Variants in PGAM2 observed in about 807,000 individuals in gnomAD.
PGAM2 encodes phosphoglycerate mutase 2, also known as BPG-dependent PGAM 2.
A neutral mutation model predicts 22.5 loss-of-function variants in PGAM2; 23 were observed. The observed-to-expected ratio is 1.02, with a 90% confidence interval of 0.74 to 1.45. PGAM2 has a LOEUF of 1.45. Among genes scored for constraint, PGAM2 ranks in the 40% most tolerant of loss-of-function variants. The pLI is 0.00. For synonymous variants in PGAM2, 133 were observed against 138.6 expected, an observed-to-expected ratio of 0.96 and a Z score of 0.29; for missense variants, 349 against 356.2, an observed-to-expected ratio of 0.98 and a Z score of 0.16.
Position 44,064,944 on chromosome 7 carries a change from G to A in PGAM2, c.483C>T (p.Ala161=). 2 of 1,609,822 alleles carry A rather than the reference G, an allele frequency of 1.2e-6. No individual in the cohort carries two copies. The highest frequency in any genetic ancestry group is 1.7e-6 in the Non-Finnish European group (2 of 1,179,716). The change falls in exon 2 of 3, where the codon GCC becomes GCT. Residue 161 remains alanine (A), a synonymous_variant. Transcript: ENST00000297283. The stretch of plus-strand genomic sequence containing the variant: ...CCTCGTTCCAGAAGGGCAGGGCCCG[G>A]GCAATGGTGTCCTTGAGGCTCTCGC... ...PTCESLKDTI[A]RALPFWNEEI...
At position 44,065,283 on chromosome 7, in the gene PGAM2, G is replaced by T; in HGVS notation, c.247C>A (p.Arg83Ser). ...GTDQMWLPVV[R>S]TWRLNERHYG... Reference sequence around the variant, plus strand: ...TGCCGCTCATTGAGGCGCCAAGTGCGCACCACAGGCAGCCACATCTGGTCC... The same window carrying T: ...TGCCGCTCATTGAGGCGCCAAGTGCTCACCACAGGCAGCCACATCTGGTCC... Residue 83 changes from arginine to serine, a missense_variant, in exon 1 of 3, where the codon CGC becomes AGC. By Grantham distance (110) the Arg-to-Ser change is moderately radical. Transcript: ENST00000297283. The T allele has an allele frequency of 1.2e-6, 2 of 1,613,544 alleles. No individual in the cohort carries two copies. Among genetic ancestry groups the T allele is most frequent in the Non-Finnish European group, 1.7e-6 (2 of 1,180,036 alleles).
chr7:44,064,762 T>C, intron 2 of PGAM2, 70 bp downstream of exon 2: 1 of 1,369,124 alleles, frequency 7.3e-7, no homozygotes, highest in Non-Finnish European at 1.0e-6. Context: ...GCGAGAGACT[T>C]TGCTGAGATG....
At chr7:44,064,535 CCCTT>C in intron 2 of PGAM2, 1 of 460,376 alleles carries the variant, frequency 2.2e-6, no homozygotes, top group Non-Finnish European at 4.0e-6. Context: ...CTAAGCCCAG[CCCTT>C]CCGTTTCCTA....
intron 1 of PGAM2, 33 bp downstream of exon 1, chr7:44,065,083 T>C: frequency 6.2e-7 from 1 of 1,612,760 alleles, no homozygotes; most frequent in Non-Finnish European, 8.5e-7. Flanking sequence ...ACTCTGCAGC[T>C]TCCCAGAGGC....
intron 2 of PGAM2, chr7:44,064,274 T>C (rs1277229913): frequency 6.1e-6 from 1 of 164,752 alleles, no homozygotes; most frequent in African/African-American, 2.4e-5. Context: ...GGCCACTCCA[T>C]AGTCCTGCAC....
rs201908821 is a variant in PGAM2, at chr7:44,064,832, C to A, written c.595G>T (p.Gly199Trp). 73 of 1,602,886 alleles carry A rather than the reference C, an allele frequency of 4.6e-5. No individual in the cohort carries two copies. The highest frequency in any genetic ancestry group is 5.7e-5 in the Non-Finnish European group (67 of 1,176,804). Residue 199 changes from glycine to tryptophan, a missense_variant and splice_region_variant, in exon 2 of 3, where the codon GGG (glycine) becomes TGG (tryptophan). Transcript: ENST00000297283. ...SLRGIVKHLE[G>W]MSDQAIMELN... ...CCCAGGCTCCTGAAGGTGGCCTCACCTTCCAGGTGCTTGACAATGCCCCGC... is the reference window on the plus strand; with the variant it reads ...CCCAGGCTCCTGAAGGTGGCCTCACATTCCAGGTGCTTGACAATGCCCCGC...
rs555315183 is a variant in PGAM2, at chr7:44,063,059, G to A, written c.596-129C>T. ...CCAATTCCTTCCCAGCCCTGAGAACGAGGCCACAGAAATGTTGCCAAAGGT... is the reference window on the plus strand; with the variant it reads ...CCAATTCCTTCCCAGCCCTGAGAACAAGGCCACAGAAATGTTGCCAAAGGT... On this transcript the variant is annotated intron_variant, in intron 2 of 2. Transcript: ENST00000297283. 7.8e-5 allele frequency: 77 copies of A among 983,282 alleles called. No individual in the cohort carries two copies. The African/African-American group carries it at 9.7e-4, about 12-fold the overall frequency. The allele number at this position is 983,282 out of a possible 1,614,324, so 60.9% of individuals were successfully genotyped here. A position where few individuals can be genotyped will look rare whatever the true frequency, so the allele number is the denominator to read the frequency against.
chr7:44,062,819 T>G lies in PGAM2; in HGVS notation c.707A>C (p.Glu236Ala), dbSNP rs140230479. The G allele has an allele frequency of 4.6e-4, 741 of 1,614,202 alleles. 9 individuals are homozygous for G. In the Middle Eastern group the frequency reaches 0.013, roughly 27 times the overall value. ...PTKPMQFLGDEETVRKAMEAV... is the reference protein window; with the variant it reads ...PTKPMQFLGDAETVRKAMEAV... ...CTCCATGGCCTTCCGCACCGTTTCCTCATCACCCAGGAACTGCATGGGCTT... is the reference window on the plus strand; with the variant it reads ...CTCCATGGCCTTCCGCACCGTTTCCGCATCACCCAGGAACTGCATGGGCTT... The change falls in exon 3 of 3, where the codon GAG becomes GCG. Residue 236 changes from glutamate (E) to alanine (A), a missense_variant. By Grantham distance (107) the Glu-to-Ala change is moderately radical. Transcript: ENST00000297283.
chr7:44,064,751 G>C, intron 2 of PGAM2, 81 bp downstream of exon 2: 1 of 1,251,152 alleles, frequency 8.0e-7, no homozygotes, highest in Admixed American at 2.0e-5. Context: ...CTGGTCCATG[G>C]GCGAGAGACT....
At chr7:44,065,084 T>TC (rs2096156932) in intron 1 of PGAM2, 32 bp downstream of exon 1, 1 of 1,612,646 alleles carries the variant, frequency 6.2e-7, no homozygotes, top group Non-Finnish European at 8.5e-7. Context: ...CTCTGCAGCT[T>TC]CCCAGAGGCC....
At chr7:44,064,279 C>T (rs2096154825) in intron 2 of PGAM2, 1 of 183,330 alleles carries the variant, frequency 5.5e-6, no homozygotes. Flanking sequence ...CTCCATAGTC[C>T]TGCACCCCTC....
At chr7:44,063,196 G>T (rs2096152379) in intron 2 of PGAM2, 1 of 521,754 alleles carries the variant, frequency 1.9e-6, no homozygotes, top group African/African-American at 1.9e-5. Context: ...GCTGTCCATA[G>T]TTCCCTCAGC....
intron 2 of PGAM2, chr7:44,064,246 G>A (rs1217359703): frequency 6.4e-6 from 1 of 156,218 alleles, no homozygotes; most frequent in Non-Finnish European, 1.4e-5. Context: ...TGGGAGCCCA[G>A]CTGCAAGCCC....
In PGAM2 at chr7:44,065,512, G is replaced by A. The variant is rs143473990; in HGVS notation, c.18C>T (p.Leu6=). 2.5e-6 allele frequency: 4 copies of A among 1,614,002 alleles called. No homozygotes were observed. Among genetic ancestry groups the A allele is most frequent in the African/African-American group, 1.3e-5 (1 of 75,040 alleles). MATHR[L]VMVRHGESTW... is the part of the protein sequence containing the mutation. ...TGCTCTCGCCGTGCCGGACCATCAC[G>A]AGGCGGTGAGTGGCCATGGTGGCAG... The change falls in exon 1 of 3, where the codon CTC becomes CTT. Residue 6 remains leucine (L), a synonymous_variant. Coordinates refer to ENST00000297283, the MANE Select transcript of PGAM2 (RefSeq NM_000290.4).
chr7:44,064,810 A>T, intron 2 of PGAM2, 22 bp downstream of exon 2: 1 of 610,350 alleles, frequency 1.6e-6, no homozygotes, highest in Non-Finnish European at 2.9e-6. Context: ...CACCCTGCCC[A>T]GGCTCCTGAA....
intron 2 of PGAM2, chr7:44,064,602 A>G: frequency 1.7e-6 from 1 of 573,516 alleles, no homozygotes; most frequent in South Asian, 2.0e-5. Flanking sequence ...ACCTCGGGAC[A>G]CAGCGAGCTT....
At chr7:44,063,343 G>T (rs916996360) in intron 2 of PGAM2, 19 of 278,252 alleles carry the variant, frequency 6.8e-5, no homozygotes, top group Non-Finnish European at 1.3e-4. Context: ...GGAGTGCAGT[G>T]GCACGATCTT....
chr7:44,065,336 C>T lies in PGAM2; in HGVS notation c.194G>A (p.Arg65His), dbSNP rs200420235. Residue 65 changes from arginine (R) to histidine (H), a missense_variant, in exon 1 of 3, where the codon CGC (arginine) becomes CAC (histidine). Arg to His is a conservative substitution (Grantham distance 29). Coordinates refer to ENST00000297283, the MANE Select transcript of PGAM2 (RefSeq NM_000290.4). Reference sequence around the variant, plus strand: ...GCCGTCCAGGATGGCCCAGAGGGTGCGGATGGCCCGCTTCAGCACTGACGT... The same window carrying T: ...GCCGTCCAGGATGGCCCAGAGGGTGTGGATGGCCCGCTTCAGCACTGACGT... ...CYTSVLKRAI[R>H]TLWAILDGTD... The T allele has an allele frequency of 2.8e-5, 45 of 1,613,464 alleles. No homozygotes were observed. Among genetic ancestry groups the T allele is most frequent in the African/African-American group, 2.1e-4 (16 of 74,914 alleles).
rs1273734383 is a variant in PGAM2 at position 44,065,531 on chromosome 7, G to C, written c.-2C>G. ...CATCACGAGGCGGTGAGTGGCCATG[G>C]TGGCAGCAGGGACCACAGAGGACTC... On this transcript the variant is annotated 5_prime_UTR_variant, in exon 1 of 3. Coordinates refer to ENST00000297283, the MANE Select transcript of PGAM2 (RefSeq NM_000290.4). 1 of 1,613,660 alleles carries C rather than the reference G, an allele frequency of 6.2e-7. No individual in the cohort carries two copies. The highest frequency in any genetic ancestry group is 1.7e-5 in the Admixed American group (1 of 60,004).
Sources: allele counts gnomAD v4.1 joint callset, GRCh38; gene constraint gnomAD v4.1.1; transcripts MANE v1.5; gene names NCBI Gene and HGNC (gene_info 2026-07-23, HGNC 2026-07-21).